Variants in CDH13 observed in about 807,000 individuals in gnomAD.
CDH13 encodes the protein cadherin-13.
Under a neutral mutation model 63.8 loss-of-function variants are expected in CDH13, and 24 were observed. The observed-to-expected ratio is 0.38, with a 90% confidence interval of 0.27 to 0.53. CDH13 has a LOEUF of 0.53. Among genes scored for constraint, CDH13 ranks in the 20% least tolerant of loss-of-function variants. CDH13 has a pLI of 0.85. For synonymous variants in CDH13, 503 were observed against 355.3 expected, an observed-to-expected ratio of 1.42 and a Z score of -4.67; for missense variants, 1,049 against 903.1, an observed-to-expected ratio of 1.16 and a Z score of -2.07.
chr16:83,595,804 G>T (rs1435846485), intron 7 of CDH13, among the ~76,000 whole-genome samples: 1 of 149,146 alleles, frequency 6.7e-6, no homozygotes, highest in Non-Finnish European at 1.5e-5. Flanking sequence ...ATAGGATCCA[G>T]TGAACATACA....
intron 6 of CDH13, chr16:83,397,341 C>G (rs1230393175): frequency 2.0e-5 from 3 of 152,194 alleles, no homozygotes; most frequent in Non-Finnish European, 4.4e-5. Context: ...AAGGTATGTT[C>G]TCACTTTGTC....
chr16:83,060,641 C>A (rs144659688), intron 3 of CDH13, among the ~76,000 whole-genome samples: 7 of 152,342 alleles, frequency 4.6e-5, no homozygotes, highest in Admixed American at 1.3e-4. Flanking sequence ...GAGCTCAGAT[C>A]TGAATCCAGA....
intron 2 of CDH13, among the ~76,000 whole-genome samples, chr16:83,011,781 C>G (rs1002244758): frequency 1.3e-5 from 2 of 152,162 alleles, no homozygotes; most frequent in Admixed American, 1.3e-4. Context: ...TTTACTCTCC[C>G]AAACTTCTAC....
At chr16:82,651,471 A>AATCC (rs1308771374) in intron 1 of CDH13, among the ~76,000 whole-genome samples, 1 of 152,234 alleles carries the variant, frequency 6.6e-6, no homozygotes, top group African/African-American at 2.4e-5. Flanking sequence ...CCACGGTTTG[A>AATCC]ATCCAGGTCT....
chr16:83,104,737 G>C (rs759144124), intron 3 of CDH13, among the ~76,000 whole-genome samples: 21 of 152,274 alleles, frequency 1.4e-4, no homozygotes, highest in Non-Finnish European at 2.8e-4. Flanking sequence ...GTTGAACAAA[G>C]GGGGCAATTG....
At chr16:83,296,019 ACT>A (rs1338373194) in intron 5 of CDH13, among the ~76,000 whole-genome samples, 3 of 152,136 alleles carry the variant, frequency 2.0e-5, no homozygotes, top group Non-Finnish European at 4.4e-5. Context: ...AGAGAAATAA[ACT>A]CTGGTCATTG....
intron 1 of CDH13, among the ~76,000 whole-genome samples, chr16:82,712,278 G>C (rs2032009264): frequency 6.6e-6 from 1 of 152,038 alleles, no homozygotes; most frequent in Non-Finnish European, 1.5e-5. Flanking sequence ...GTGTAATTTA[G>C]AGAAAGTCTA....
At chr16:83,141,808 C>A (rs141163302) in intron 4 of CDH13, among the ~76,000 whole-genome samples, 1 of 152,172 alleles carries the variant, frequency 6.6e-6, no homozygotes, top group Non-Finnish European at 1.5e-5. Context: ...AGAATGATGG[C>A]TTCCAGCTTT....
intron 2 of CDH13, among the ~76,000 whole-genome samples, chr16:82,997,094 G>T (rs901902232): frequency 6.6e-6 from 1 of 151,516 alleles, no homozygotes; most frequent in African/African-American, 2.4e-5. Flanking sequence ...CGGTGGTGAT[G>T]ATGGTGATGG....
At chr16:83,161,807 A>T (rs7203313) in intron 4 of CDH13, among the ~76,000 whole-genome samples, 32,851 of 152,108 alleles carry the variant, frequency 0.22, 4,863 homozygotes, top group African/African-American at 0.42. Context: ...ACTCTAAAAG[A>T]TTCCCCGAGA....
chr16:83,197,363 C>G (rs1160359347), intron 4 of CDH13, among the ~76,000 whole-genome samples: 1 of 152,004 alleles, frequency 6.6e-6, no homozygotes, highest in Non-Finnish European at 1.5e-5. Context: ...TCCATCCCCT[C>G]CAGCATTTAT....
At chr16:83,046,316 A>G (rs185702655) in intron 3 of CDH13, among the ~76,000 whole-genome samples, 3 of 152,308 alleles carry the variant, frequency 2.0e-5, no homozygotes, top group East Asian at 3.9e-4. Context: ...CCATCAAAAA[A>G]CAAATATTGT....
intron 1 of CDH13, among the ~76,000 whole-genome samples, chr16:82,807,789 T>C (rs2037224539): frequency 6.6e-6 from 1 of 152,174 alleles, no homozygotes; most frequent in South Asian, 2.1e-4. Context: ...GGAGGAAAAT[T>C]GCTAAAGGTT....
intron 7 of CDH13, among the ~76,000 whole-genome samples, chr16:83,528,301 A>C (rs1412246238): frequency 1.3e-5 from 2 of 152,240 alleles, no homozygotes; most frequent in African/African-American, 4.8e-5. Flanking sequence ...TCACATTTTA[A>C]ATGGGAAACT....
chr16:83,003,758 T>G (rs1461533525), intron 2 of CDH13, among the ~76,000 whole-genome samples: 1 of 152,236 alleles, frequency 6.6e-6, no homozygotes, highest in Non-Finnish European at 1.5e-5. Flanking sequence ...GACTACTCCA[T>G]TCAAAGGTTC....
At chr16:82,772,892 G>A (rs1567518321) in intron 1 of CDH13, among the ~76,000 whole-genome samples, 1 of 152,182 alleles carries the variant, frequency 6.6e-6, no homozygotes, top group African/African-American at 2.4e-5. Context: ...ACATGGTTGT[G>A]GGGGCATAGG....
intron 2 of CDH13, among the ~76,000 whole-genome samples, chr16:82,910,998 TG>T (rs1164636683): frequency 6.6e-6 from 1 of 152,126 alleles, no homozygotes; most frequent in Non-Finnish European, 1.5e-5. Context: ...GTAATGATGC[TG>T]AGGTTGGTGT....
At chr16:82,932,801 C>G (rs552679472) in intron 2 of CDH13, among the ~76,000 whole-genome samples, 4 of 152,134 alleles carry the variant, frequency 2.6e-5, no homozygotes, top group African/African-American at 7.2e-5. Context: ...AAATGGTGGC[C>G]TAAAGTGTGA....
rs750432481 is a variant in CDH13, at chr16:83,447,096, CTTTTTTTTTTTTTTTT to C, written c.782-39366_782-39351del. On this transcript the variant is annotated intron_variant, in intron 6 of 13. Transcript: ENST00000567109. ...AAAACAAAAAACACCTTATAGTAAC[CTTTTTTTTTTTTTTTT>C]TTTTTTTTTTTTTTGGTTTGTGCTG... 2.7e-3 allele frequency among the ~76,000 whole-genome samples: 111 copies of C among 41,526 alleles called. 1 individual carries two copies. The highest frequency in any genetic ancestry group is 8.8e-3 in the African/African-American group (104 of 11,756). The allele number at this position is 41,526 out of a possible 152,430, so 27.2% of individuals were successfully genotyped here.
Sources: allele counts gnomAD v4.1 joint callset (sites outside exome capture counted in the v4.1 genomes callset), GRCh38; gene constraint gnomAD v4.1.1; transcripts MANE v1.5; gene names NCBI Gene and HGNC (gene_info 2026-07-23, HGNC 2026-07-21).